The following PTPRD variants were observed in gnomAD, a reference collection of about 807,000 sequenced individuals.
The protein encoded by PTPRD is protein tyrosine phosphatase receptor type D.
A neutral mutation model predicts 214.5 loss-of-function variants in PTPRD; 34 were observed. The ratio of observed to expected loss-of-function variants is 0.16; its 90% CI spans 0.12 to 0.21. PTPRD has a LOEUF of 0.21. Ranked by LOEUF, PTPRD falls within the 10% of genes least tolerant of loss-of-function variation. PTPRD has a pLI of 1.00. For missense variants in PTPRD, 2,545 were observed against 2,398.7 expected (o/e 1.06, Z -1.27); for synonymous variants, 1,128 against 845.7 (o/e 1.33, Z -5.79).
chr9:8,339,996 T>G (rs1326848289), intron 42 of PTPRD, among the ~76,000 whole-genome samples: 1 of 152,026 alleles, frequency 6.6e-6, no homozygotes, highest in Non-Finnish European at 1.5e-5. Context: ...CCTTCATAAG[T>G]AGAAATGATG....
rs377091568 is a variant in PTPRD at position 10,334,249 on chromosome 9, T to C, written c.-545+6714A>G. On this transcript the variant is annotated intron_variant, in intron 3 of 45. Transcript: ENST00000381196. ...AAATATACCTATATGTTATATCAAATGTTAAAAGGTGACTTTTCTTTATCA... is the reference window on the plus strand; with the variant it reads ...AAATATACCTATATGTTATATCAAACGTTAAAAGGTGACTTTTCTTTATCA... Among the ~76,000 whole-genome samples, 5 of 151,880 alleles carry C rather than the reference T, an allele frequency of 3.3e-5. No individual in the cohort carries two copies. In the East Asian group the frequency reaches 9.8e-4, roughly 30 times the overall value.
chr9:10,402,104 T>C (rs1390420775), intron 2 of PTPRD, among the ~76,000 whole-genome samples: 1 of 151,588 alleles, frequency 6.6e-6, no homozygotes, highest in African/African-American at 2.4e-5. Context: ...AAAAAGGGTA[T>C]AAAATGTAAA....
intron 7 of PTPRD, among the ~76,000 whole-genome samples, chr9:9,731,566 C>T (rs989135763): frequency 3.3e-5 from 5 of 151,914 alleles, no homozygotes; most frequent in African/African-American, 7.3e-5. Flanking sequence ...CCCATTAACT[C>T]GTCATTTACA....
intron 3 of PTPRD, among the ~76,000 whole-genome samples, chr9:10,106,159 C>T (rs767437122): frequency 2.0e-5 from 3 of 151,392 alleles, no homozygotes; most frequent in Non-Finnish European, 3.0e-5. Flanking sequence ...GTGAACAGAC[C>T]ACAGATCTTT....
intron 2 of PTPRD, among the ~76,000 whole-genome samples, chr9:10,586,544 CATG>C (rs1310378262): frequency 6.6e-6 from 1 of 152,024 alleles, no homozygotes; most frequent in Non-Finnish European, 1.5e-5. Context: ...CGCAGTTAGT[CATG>C]AGGGAAATAA....
chr9:8,591,851 T>A (rs960970564), intron 14 of PTPRD, among the ~76,000 whole-genome samples: 4 of 152,162 alleles, frequency 2.6e-5, no homozygotes, highest in Admixed American at 2.6e-4. Flanking sequence ...TCTAACGGAA[T>A]AGCCTTCAGT....
intron 36 of PTPRD, among the ~76,000 whole-genome samples, chr9:8,403,899 C>A (rs944210388): frequency 1.6e-4 from 24 of 152,184 alleles, no homozygotes; most frequent in African/African-American, 3.4e-4. Flanking sequence ...CCTCTTCTGA[C>A]AATCACCTGT....
intron 5 of PTPRD, among the ~76,000 whole-genome samples, chr9:9,844,852 TA>T (rs2059115898): frequency 6.6e-6 from 1 of 151,526 alleles, no homozygotes; most frequent in East Asian, 1.9e-4. Flanking sequence ...TGTGGCATTT[TA>T]TTTTATAAAC....
At chr9:10,205,674 G>C (rs1302257703) in intron 3 of PTPRD, among the ~76,000 whole-genome samples, 3 of 151,962 alleles carry the variant, frequency 2.0e-5, no homozygotes, top group Admixed American at 6.6e-5. Flanking sequence ...CAAAGTGCTG[G>C]GATTACAGGC....
intron 10 of PTPRD, among the ~76,000 whole-genome samples, chr9:9,164,709 C>CT (rs1372601952): frequency 6.6e-6 from 1 of 151,962 alleles, no homozygotes; most frequent in Admixed American, 6.6e-5. Context: ...AGACTGATTT[C>CT]TTTTTTAAAA....
At chr9:9,258,855 G>T (rs1250766261) in intron 9 of PTPRD, among the ~76,000 whole-genome samples, 2 of 151,852 alleles carry the variant, frequency 1.3e-5, no homozygotes, top group Non-Finnish European at 2.9e-5. Flanking sequence ...AATTTTGTGT[G>T]TAAATCAATT....
chr9:10,076,996 C>A lies in PTPRD; in HGVS notation c.-544-43206G>T, dbSNP rs186247336. On this transcript the variant is annotated intron_variant, in intron 3 of 45. Transcript: ENST00000381196. ...CTGACTTCAACATTATTTCCCTTTT[C>A]CTTGCAAAACAAAATCTGATGTCCA... Among the ~76,000 whole-genome samples the A allele has an allele frequency of 4.2e-3, 635 of 152,234 alleles. 1 individual carries two copies. Among genetic ancestry groups the A allele is most frequent in the Non-Finnish European group, 6.7e-3 (457 of 68,014 alleles).
chr9:9,801,302 T>C (rs946586793), intron 5 of PTPRD, among the ~76,000 whole-genome samples: 19 of 151,620 alleles, frequency 1.3e-4, no homozygotes, highest in African/African-American at 4.6e-4. Flanking sequence ...CACTTTTCTC[T>C]ATGCTGTATC....
intron 6 of PTPRD, among the ~76,000 whole-genome samples, chr9:9,755,064 A>G (rs936688405): frequency 6.6e-6 from 1 of 151,998 alleles, no homozygotes; most frequent in Non-Finnish European, 1.5e-5. Context: ...GATTTAAGGA[A>G]TAAGAAATTT....
Position 10,328,200 on chromosome 9 carries a change from C to T in PTPRD, c.-545+12763G>A, listed in dbSNP as rs114235566. 7.8e-3 allele frequency among the ~76,000 whole-genome samples: 1,187 copies of T among 151,724 alleles called. 16 individuals are homozygous for T. Among genetic ancestry groups the T allele is most frequent in the African/African-American group, 0.027 (1,139 of 41,482 alleles). ...TGATTTAAATATACTGTAATACACT[C>T]TTAGTAGCTCAGAGACACAGATTAA... On this transcript the variant is annotated intron_variant, in intron 3 of 45. Coordinates refer to ENST00000381196, the MANE Select transcript of PTPRD (RefSeq NM_002839.4).
At position 9,897,680 on chromosome 9, in the gene PTPRD, G is replaced by C. The variant is rs184691897; in HGVS notation, c.-368+40827C>G. Among the ~76,000 whole-genome samples, 38 of 151,864 alleles carry C rather than the reference G, an allele frequency of 2.5e-4. 2 individuals carry two copies. The South Asian group carries it at 6.4e-3, about 26-fold the overall frequency. ...AATTATAGCTGTTGATTCACCTATT[G>C]ATTAGGATTTTACTCAAACATAATA... is the stretch of plus-strand genomic sequence containing the variant. On this transcript the variant is annotated intron_variant, in intron 5 of 45. Transcript: ENST00000381196.
At chr9:10,352,427 T>C (rs746962050) in intron 2 of PTPRD, among the ~76,000 whole-genome samples, 1 of 152,012 alleles carries the variant, frequency 6.6e-6, no homozygotes, top group East Asian at 1.9e-4. Flanking sequence ...TAACACATTT[T>C]GTTTGACTAA....
At chr9:9,654,993 A>G (rs1220012178) in intron 7 of PTPRD, among the ~76,000 whole-genome samples, 3 of 144,198 alleles carry the variant, frequency 2.1e-5, no homozygotes, top group Non-Finnish European at 4.5e-5. Flanking sequence ...AAACTGAAGC[A>G]TATATATATA....
intron 4 of PTPRD, among the ~76,000 whole-genome samples, chr9:10,002,272 A>T (rs2096341004): frequency 6.7e-6 from 1 of 149,454 alleles, no homozygotes; most frequent in Admixed American, 6.7e-5. Flanking sequence ...GACACAAGAC[A>T]TACAAAAAAA....
Sources: allele counts gnomAD v4.1 joint callset (sites outside exome capture counted in the v4.1 genomes callset), GRCh38; gene constraint gnomAD v4.1.1; transcripts MANE v1.5; gene names NCBI Gene and HGNC (gene_info 2026-07-23, HGNC 2026-07-21).